RNGTT: variants seen among roughly 807,000 people sequenced by gnomAD.
The protein encoded by RNGTT is RNA guanylyltransferase and 5'-phosphatase.
RNGTT carries 33 observed loss-of-function variants against 79.3 expected under a neutral mutation model. The observed-to-expected ratio is 0.42, with a 90% CI of 0.32 to 0.56. RNGTT has a LOEUF of 0.56. RNGTT is among the 20% of genes least tolerant of loss of function. The probability of loss-of-function intolerance (pLI) is 0.17; values close to 1 mark genes in which losing one functional copy is unlikely to be tolerated. For synonymous variants in RNGTT, 222 were observed against 235.9 expected (o/e 0.94, Z 0.54); for missense variants, 497 against 739.1 (o/e 0.67, Z 3.80).
chr6:88,617,908 A>G (rs1377863503), intron 14 of RNGTT, among the ~76,000 whole-genome samples: 1 of 152,146 alleles, frequency 6.6e-6, no homozygotes, highest in East Asian at 1.9e-4. Flanking sequence ...TAAAGGAACC[A>G]TGATGACATA....
At chr6:88,633,484 G>A (rs766872960) in intron 14 of RNGTT, among the ~76,000 whole-genome samples, 3 of 152,098 alleles carry the variant, frequency 2.0e-5, no homozygotes, top group Non-Finnish European at 4.4e-5. Flanking sequence ...ACAGGTTCTT[G>A]TGCTTCATTG....
chr6:88,849,903 A>G, intron 9 of RNGTT, 77 bp from the exon 10 acceptor site: 2 of 1,345,528 alleles, frequency 1.5e-6, no homozygotes, highest in Non-Finnish European at 2.0e-6. Context: ...TATGGCATAC[A>G]CACAGTAAGC....
At chr6:88,926,062 T>C (rs1784309966) in intron 4 of RNGTT, among the ~76,000 whole-genome samples, 1 of 152,230 alleles carries the variant, frequency 6.6e-6, no homozygotes, top group African/African-American at 2.4e-5. Flanking sequence ...GTGATATACA[T>C]GGAATATCCT....
intron 14 of RNGTT, among the ~76,000 whole-genome samples, chr6:88,633,920 G>A (rs1025191795): frequency 3.3e-5 from 5 of 152,158 alleles, no homozygotes; most frequent in South Asian, 4.1e-4. Context: ...CATCTCACAC[G>A]TGTTTTTATG....
chr6:88,711,635 T>C (rs988143264), intron 13 of RNGTT, among the ~76,000 whole-genome samples: 1 of 152,234 alleles, frequency 6.6e-6, no homozygotes, highest in African/African-American at 2.4e-5. Flanking sequence ...TGAGGTAGCA[T>C]GTTCACGCCC....
At chr6:88,785,773 A>G (rs1192780638) in intron 12 of RNGTT, among the ~76,000 whole-genome samples, 2 of 152,166 alleles carry the variant, frequency 1.3e-5, no homozygotes, top group African/African-American at 2.4e-5. Context: ...GCTAATTCCA[A>G]TTTTCATTTT....
rs201371301 is a variant in RNGTT, at chr6:88,849,793, C to A, written c.1066G>T (p.Val356Phe). 3.8e-6 allele frequency: 6 copies of A among 1,570,372 alleles called. No homozygotes were observed. In the East Asian group the frequency reaches 1.4e-4, roughly 37 times the overall value. The change falls in exon 10 of 16, where the codon GTT (valine) becomes TTT (phenylalanine). Residue 356 changes from valine (V) to phenylalanine (F), a missense_variant. Val to Phe is a conservative substitution (Grantham distance 50). This residue lies in a region of RNGTT where 440 missense variants were observed against 671.5 expected (regional missense o/e 0.66). Transcript: ENST00000369485. The part of the protein sequence containing the change: ...MIIDRVNGQA[V>F]PRYLIYDIIK... ...ATGTCATATATCAAATATCTAGGAACAGCCTGTCCATTTACTCTGTCAATA... is the reference window on the plus strand; with the variant it reads ...ATGTCATATATCAAATATCTAGGAAAAGCCTGTCCATTTACTCTGTCAATA...
At chr6:88,667,863 A>G (rs1184769771) in intron 14 of RNGTT, among the ~76,000 whole-genome samples, 3 of 152,200 alleles carry the variant, frequency 2.0e-5, no homozygotes, top group Non-Finnish European at 4.4e-5. Flanking sequence ...GATTAGGCTT[A>G]GGGAAAGTGT....
intron 1 of RNGTT, among the ~76,000 whole-genome samples, chr6:88,950,902 A>G (rs1033247868): frequency 6.6e-6 from 1 of 150,602 alleles, no homozygotes; most frequent in African/African-American, 2.5e-5. Flanking sequence ...TCTGTCACTC[A>G]GGCTGAAATA....
intron 11 of RNGTT, among the ~76,000 whole-genome samples, chr6:88,825,670 G>T (rs1186471900): frequency 1.3e-5 from 2 of 152,028 alleles, no homozygotes; most frequent in Admixed American, 6.6e-5. Flanking sequence ...GTTATACAGT[G>T]GTACTGTTTC....
intron 7 of RNGTT, 103 bp downstream of exon 7, chr6:88,891,703 C>T (rs770712115): frequency 2.9e-5 from 19 of 646,110 alleles, no homozygotes; most frequent in Non-Finnish European, 4.3e-5. Flanking sequence ...TATTCTATTG[C>T]AAACATACTA....
chr6:88,806,616 G>A (rs1779964164), intron 11 of RNGTT, among the ~76,000 whole-genome samples: 1 of 152,018 alleles, frequency 6.6e-6, no homozygotes, highest in Non-Finnish European at 1.5e-5. Context: ...CACCCGGCCT[G>A]AAAAAGGAAC....
chr6:88,696,316 T>C (rs1775665552), intron 13 of RNGTT, among the ~76,000 whole-genome samples: 1 of 152,194 alleles, frequency 6.6e-6, no homozygotes, highest in Non-Finnish European at 1.5e-5. Context: ...AATTGATCCT[T>C]CCTGATCATT....
At position 88,612,502 on chromosome 6, in the gene RNGTT, A is replaced by T; in HGVS notation, c.*217T>A. ...AGGTAAGGCTGAGTTTATCAGATAA[A>T]TAAGATGTTTAAGTCCACGATGTAT... On this transcript the variant is annotated 3_prime_UTR_variant, in exon 16 of 16. Transcript: ENST00000369485. 2.1e-6 allele frequency: 1 copy of T among 468,326 alleles called. No homozygotes were observed. Among genetic ancestry groups the T allele is most frequent in the Non-Finnish European group, 3.8e-6 (1 of 262,482 alleles). The allele number at this position is 468,326 out of a possible 1,614,324, so 29.0% of individuals were successfully genotyped here.
At chr6:88,726,063 A>G (rs906767246) in intron 13 of RNGTT, among the ~76,000 whole-genome samples, 1 of 152,172 alleles carries the variant, frequency 6.6e-6, no homozygotes, top group Non-Finnish European at 1.5e-5. Context: ...TAGAAGTAGT[A>G]AAGAGAAAAG....
At chr6:88,904,571 A>G (rs1783584576) in intron 6 of RNGTT, 144 bp downstream of exon 6, 2 of 1,024,938 alleles carry the variant, frequency 2.0e-6, no homozygotes, top group East Asian at 5.6e-5. Flanking sequence ...CCAAAAAAAA[A>G]AAATTTTTTT....
At chr6:88,793,850 T>A (rs969868926) in intron 12 of RNGTT, among the ~76,000 whole-genome samples, 1 of 152,200 alleles carries the variant, frequency 6.6e-6, no homozygotes, top group African/African-American at 2.4e-5. Context: ...AATACAGTCA[T>A]GTAATAGTCA....
chr6:88,805,737 A>AC (rs146926640), intron 11 of RNGTT, among the ~76,000 whole-genome samples: 2,185 of 152,312 alleles, frequency 0.014, 50 homozygotes, highest in African/African-American at 0.05. Context: ...CACAGTCTTC[A>AC]CAAGTCTGGC....
rs184491445 is a variant in RNGTT, at chr6:88,633,029, C to T, written c.1507-18634G>A. Among the ~76,000 whole-genome samples, 289 of 152,292 alleles carry T rather than the reference C, an allele frequency of 1.9e-3. 4 individuals carry two copies. The highest frequency in any genetic ancestry group is 6.8e-3 in the African/African-American group (283 of 41,556). ...TTCTGGTATAACATTGCTACCAAAGCATAGTTGATGCTTGGCTTTAATTTA... is the reference window on the plus strand; with the variant it reads ...TTCTGGTATAACATTGCTACCAAAGTATAGTTGATGCTTGGCTTTAATTTA... On this transcript the variant is annotated intron_variant, in intron 14 of 15. Transcript: ENST00000369485.
Sources: gnomAD v4.1 joint callset for allele counts (sites outside exome capture counted in the v4.1 genomes callset) on GRCh38, gnomAD v4.1.1 for gene constraint, gnomAD v4.1.1 regional missense constraint, MANE v1.5 for transcripts, NCBI Gene and HGNC (gene_info 2026-07-23, HGNC 2026-07-21) for gene names.